Variants in MAGI1 observed in about 807,000 individuals in gnomAD.
MAGI1 encodes membrane associated guanylate kinase, WW and PDZ domain containing 1.
MAGI1 carries 58 observed loss-of-function variants against 139.9 expected under a neutral mutation model. That is an observed-to-expected ratio of 0.41 (90% confidence interval 0.34 to 0.52). The LOEUF is 0.52. Ranked by LOEUF, MAGI1 falls within the 20% of genes least tolerant of loss-of-function variation. The pLI, the probability that MAGI1 is intolerant of heterozygous loss-of-function variation, is 0.12. For synonymous variants in MAGI1, 812 were observed against 737.9 expected, an observed-to-expected ratio of 1.10 and a Z score of -1.63; for missense variants, 1,874 against 1,901.6, an observed-to-expected ratio of 0.99 and a Z score of 0.27.
At chr3:65,435,723 T>C (rs1484202131) in intron 10 of MAGI1, among the ~76,000 whole-genome samples, 2 of 152,114 alleles carry the variant, frequency 1.3e-5, no homozygotes, top group Non-Finnish European at 2.9e-5. Flanking sequence ...AAATGTGAAG[T>C]ACAGGATGGT....
intron 1 of MAGI1, among the ~76,000 whole-genome samples, chr3:65,891,931 TATATATATATAC>T (rs1180723536): frequency 2.3e-4 from 22 of 96,554 alleles, no homozygotes; most frequent in African/African-American, 6.0e-4. Flanking sequence ...TATATATATA[TATATATATATAC>T]CCGTGTTGCT....
chr3:65,870,054 C>A (rs58934141), intron 1 of MAGI1, among the ~76,000 whole-genome samples: 1 of 152,150 alleles, frequency 6.6e-6, no homozygotes, highest in African/African-American at 2.4e-5. Flanking sequence ...GAGAGCCATT[C>A]TTCATTAAAT....
intron 1 of MAGI1, among the ~76,000 whole-genome samples, chr3:65,889,078 CAA>C (rs2060641172): frequency 6.6e-6 from 1 of 152,042 alleles, no homozygotes; most frequent in African/African-American, 2.4e-5. Context: ...TTTCCAAAAC[CAA>C]GAGACGCTAA....
At chr3:65,659,434 C>A (rs1209347072) in intron 1 of MAGI1, among the ~76,000 whole-genome samples, 1 of 152,128 alleles carries the variant, frequency 6.6e-6, no homozygotes, top group African/African-American at 2.4e-5. Flanking sequence ...TCACCTAGAA[C>A]CTCATTATAT....
intron 1 of MAGI1, among the ~76,000 whole-genome samples, chr3:65,899,249 A>G (rs1052925880): frequency 2.6e-5 from 4 of 152,210 alleles, no homozygotes; most frequent in African/African-American, 4.8e-5. Context: ...TTCTAAATGG[A>G]TATCTTTCAA....
chr3:65,795,823 G>T (rs1330065826), intron 1 of MAGI1, among the ~76,000 whole-genome samples: 1 of 151,920 alleles, frequency 6.6e-6, no homozygotes, highest in Admixed American at 6.6e-5. Context: ...AGCCTAGGCA[G>T]GTGGATCACC....
chr3:65,515,108 A>G (rs1309359685), intron 2 of MAGI1, among the ~76,000 whole-genome samples: 2 of 129,774 alleles, frequency 1.5e-5, no homozygotes, highest in African/African-American at 5.9e-5. Flanking sequence ...GAATTGAACA[A>G]TGAGATCACA....
chr3:66,010,701 A>T (rs2067280382), intron 1 of MAGI1, among the ~76,000 whole-genome samples: 1 of 152,214 alleles, frequency 6.6e-6, no homozygotes, highest in Admixed American at 6.5e-5. Context: ...CTTTCTTTTC[A>T]GAATTTCCAG....
At chr3:65,516,537 T>C (rs1205917912) in intron 2 of MAGI1, among the ~76,000 whole-genome samples, 1 of 151,892 alleles carries the variant, frequency 6.6e-6, no homozygotes, top group Non-Finnish European at 1.5e-5. Flanking sequence ...TAACTAATAA[T>C]AGAGGTCTGT....
chr3:65,787,490 A>G (rs2039477143), intron 1 of MAGI1, among the ~76,000 whole-genome samples: 1 of 151,086 alleles, frequency 6.6e-6, no homozygotes, highest in Admixed American at 6.6e-5. Context: ...ATTGTGTTTG[A>G]GTGACAAGGG....
chr3:65,454,557 A>ATAATAAT lies in MAGI1; in HGVS notation c.960-1218_960-1217insATTATTA, dbSNP rs5849671. On this transcript the variant is annotated intron_variant, in intron 5 of 22. Transcript: ENST00000402939. ...AATAATAATAATAATAATAATAATA[A>ATAATAAT]AAAAATACTTGTTTTACAAAAAAAA... is the stretch of plus-strand genomic sequence containing the variant. Among the ~76,000 whole-genome samples, 923 of 143,222 alleles carry ATAATAAT rather than the reference A, an allele frequency of 6.4e-3. 14 individuals carry two copies. The highest frequency in any genetic ancestry group is 0.021 in the African/African-American group (804 of 37,442). The allele number at this position is 143,222 out of a possible 152,430, so 94.0% of individuals were successfully genotyped here.
rs1432810177 is a variant in MAGI1, at chr3:65,437,193, G to C, written c.1325C>G (p.Pro442Arg). ...TTCTCTGGCTGGCTCTGGATTGCTT[G>C]GAGGGTGGTTTGGAATAACAGGAGG... ...LVPPVIPNHP[P>R]SNPEPAREVP... The change falls in exon 10 of 23, where the codon CCA becomes CGA. Residue 442 changes from proline to arginine, a missense_variant. By Grantham distance (103) the Pro-to-Arg change is moderately radical. This residue lies in a region of MAGI1 where 648 missense variants were observed against 598.1 expected (regional missense o/e 1.08). Coordinates refer to ENST00000402939, the MANE Select transcript of MAGI1 (RefSeq NM_001033057.2). 9.3e-6 allele frequency: 15 copies of C among 1,612,238 alleles called. No homozygotes were observed. Among genetic ancestry groups the C allele is most frequent in the Non-Finnish European group, 1.1e-5 (13 of 1,178,538 alleles).
chr3:65,807,035 T>C (rs1327134253), intron 1 of MAGI1, among the ~76,000 whole-genome samples: 6 of 152,224 alleles, frequency 3.9e-5, no homozygotes, highest in Non-Finnish European at 5.9e-5. Flanking sequence ...GTACTTTATA[T>C]ACACTTTCTT....
intron 7 of MAGI1, among the ~76,000 whole-genome samples, chr3:65,446,963 A>G (rs1407507320): frequency 6.6e-6 from 1 of 152,214 alleles, no homozygotes; most frequent in Non-Finnish European, 1.5e-5. Flanking sequence ...ACCATGACTG[A>G]TTATCTTTAT....
chr3:65,492,060 AAAT>A (rs751722226), intron 3 of MAGI1, among the ~76,000 whole-genome samples: 6 of 152,210 alleles, frequency 3.9e-5, no homozygotes, highest in Non-Finnish European at 7.3e-5. Context: ...GTCCCTAATA[AAAT>A]AATAATCTAC....
chr3:65,394,036 A>G (rs935932487), intron 13 of MAGI1, among the ~76,000 whole-genome samples: 1 of 152,200 alleles, frequency 6.6e-6, no homozygotes, highest in African/African-American at 2.4e-5. Flanking sequence ...ATGTGCTTTT[A>G]CATACATACC....
At chr3:65,476,859 T>C (rs1950920069) in intron 4 of MAGI1, among the ~76,000 whole-genome samples, 1 of 152,226 alleles carries the variant, frequency 6.6e-6, no homozygotes, top group African/African-American at 2.4e-5. Context: ...GATGAAAGAT[T>C]CCTAAATGAA....
chr3:65,448,350 A>G, intron 6 of MAGI1: 1 of 515,756 alleles, frequency 1.9e-6, no homozygotes, highest in Non-Finnish European at 3.5e-6. Flanking sequence ...TGCGGTTTCA[A>G]TGTTCTTAAG....
At chr3:65,802,774 C>A (rs1341991280) in intron 1 of MAGI1, among the ~76,000 whole-genome samples, 3 of 151,612 alleles carry the variant, frequency 2.0e-5, no homozygotes, top group Non-Finnish European at 4.4e-5. Flanking sequence ...CCTCAAGTAC[C>A]GAATGCCTAA....
Sources: gnomAD v4.1 joint callset for allele counts (sites outside exome capture counted in the v4.1 genomes callset) on GRCh38, gnomAD v4.1.1 for gene constraint, gnomAD v4.1.1 regional missense constraint, MANE v1.5 for transcripts, NCBI Gene and HGNC (gene_info 2026-07-23, HGNC 2026-07-21) for gene names.